CPNE4: variants seen among roughly 807,000 people sequenced by gnomAD.
CPNE4 encodes copine-4.
Under a neutral mutation model 67.9 loss-of-function variants are expected in CPNE4, and 25 were observed. That is an observed-to-expected ratio of 0.37 (90% CI 0.27 to 0.51). CPNE4 has a LOEUF of 0.51. CPNE4 is among the 20% of genes least tolerant of loss of function. The probability of loss-of-function intolerance (pLI) is 0.93; values close to 1 mark genes in which losing one functional copy is unlikely to be tolerated. For synonymous variants in CPNE4, 242 were observed against 244.9 expected (o/e 0.99, Z 0.11); for missense variants, 464 against 690.8 (o/e 0.67, Z 3.68).
rs186063626 is a variant in CPNE4 at position 132,008,977 on chromosome 3, C to T, written c.-2+25590G>A. On this transcript the variant is annotated intron_variant, in intron 1 of 15. Transcript: ENST00000429747. ...AAAACCTGCTCTGTGACCAATGCTC[C>T]GGGCTGTTTATTTTGGCCTATAACT... Among the ~76,000 whole-genome samples, 948 of 152,266 alleles carry T rather than the reference C, an allele frequency of 6.2e-3. 8 individuals are homozygous for T. Among genetic ancestry groups the T allele is most frequent in the African/African-American group, 0.022 (916 of 41,558 alleles).
At chr3:131,834,477 A>G (rs1233742265) in intron 2 of CPNE4, among the ~76,000 whole-genome samples, 3 of 152,182 alleles carry the variant, frequency 2.0e-5, no homozygotes, top group Non-Finnish European at 4.4e-5. Flanking sequence ...TGGTGAAGAA[A>G]TTCTTCTTTG....
At chr3:131,820,455 A>C (rs1252457558) in intron 2 of CPNE4, among the ~76,000 whole-genome samples, 5 of 152,338 alleles carry the variant, frequency 3.3e-5, no homozygotes, top group Admixed American at 3.3e-4. Context: ...GGCTCTCTGC[A>C]GCTGAGGCAG....
At chr3:131,980,176 G>T (rs1363098180) in intron 1 of CPNE4, among the ~76,000 whole-genome samples, 2 of 152,190 alleles carry the variant, frequency 1.3e-5, no homozygotes, top group East Asian at 3.9e-4. Flanking sequence ...ATGTGCCTAG[G>T]TGAATATCTT....
chr3:131,906,507 G>A (rs1289161814), intron 1 of CPNE4, among the ~76,000 whole-genome samples: 1 of 149,030 alleles, frequency 6.7e-6, no homozygotes, highest in African/African-American at 2.5e-5. Flanking sequence ...GCGGTGTTTG[G>A]TTTTTTGTTC....
chr3:131,913,797 C>T (rs2089078134), intron 1 of CPNE4, among the ~76,000 whole-genome samples: 2 of 152,136 alleles, frequency 1.3e-5, no homozygotes, highest in African/African-American at 4.8e-5. Context: ...TGTTGTGTGA[C>T]CTTGAGTAAG....
intron 2 of CPNE4, among the ~76,000 whole-genome samples, chr3:131,849,333 C>T (rs2086141198): frequency 1.3e-5 from 2 of 152,078 alleles, no homozygotes; most frequent in African/African-American, 2.4e-5. Context: ...AATTGGCTCA[C>T]AGTTCTTCAG....
At chr3:131,715,033 T>TC (rs11437325) in intron 3 of CPNE4, among the ~76,000 whole-genome samples, 128,089 of 152,034 alleles carry the variant, frequency 0.84, 55,016 homozygotes, top group Non-Finnish European at 0.94. Context: ...GTCATAACTG[T>TC]CTCCAAACCA....
intron 1 of CPNE4, among the ~76,000 whole-genome samples, chr3:131,929,903 C>G (rs2071006164): frequency 6.6e-6 from 1 of 152,142 alleles, no homozygotes; most frequent in South Asian, 2.1e-4. Flanking sequence ...ATAGGAAGTA[C>G]TATTCTATTG....
chr3:131,964,962 G>C (rs2072300136), intron 1 of CPNE4, among the ~76,000 whole-genome samples: 1 of 152,020 alleles, frequency 6.6e-6, no homozygotes, highest in Non-Finnish European at 1.5e-5. Flanking sequence ...AAATGTTAAG[G>C]GCAGCCAGAG....
chr3:131,582,951 C>A (rs1937936819), intron 8 of CPNE4, among the ~76,000 whole-genome samples: 1 of 152,098 alleles, frequency 6.6e-6, no homozygotes, highest in South Asian at 2.1e-4. Flanking sequence ...TTGTTTTCAG[C>A]CAGGAAGTTC....
At chr3:131,926,422 G>C (rs1421457895) in intron 1 of CPNE4, among the ~76,000 whole-genome samples, 1 of 151,998 alleles carries the variant, frequency 6.6e-6, no homozygotes, top group Non-Finnish European at 1.5e-5. Flanking sequence ...AAATAAATTT[G>C]AAAATAAAGA....
intron 6 of CPNE4, among the ~76,000 whole-genome samples, chr3:131,675,195 T>C (rs1025366877): frequency 1.3e-5 from 2 of 152,166 alleles, no homozygotes; most frequent in African/African-American, 4.8e-5. Flanking sequence ...ATTTCAGTTT[T>C]TCTGAATATT....
chr3:131,538,094 C>T (rs761908094), intron 15 of CPNE4, among the ~76,000 whole-genome samples: 4 of 152,138 alleles, frequency 2.6e-5, no homozygotes, highest in Non-Finnish European at 5.9e-5. Flanking sequence ...TGGTTAAAAA[C>T]CATTTATGTA....
intron 1 of CPNE4, among the ~76,000 whole-genome samples, chr3:131,946,665 CT>C (rs1258659599): frequency 1.3e-5 from 2 of 152,080 alleles, no homozygotes; most frequent in Non-Finnish European, 2.9e-5. Context: ...TAAAATATGA[CT>C]TTCAAATATT....
intron 1 of CPNE4, among the ~76,000 whole-genome samples, chr3:132,005,151 C>T (rs1583586711): frequency 6.6e-6 from 1 of 151,594 alleles, no homozygotes; most frequent in African/African-American, 2.4e-5. Context: ...AATGGCAAAG[C>T]CAAAGATCAA....
At chr3:131,799,919 TTGTGTGTGTGTGTGTG>T (rs3070292) in intron 2 of CPNE4, among the ~76,000 whole-genome samples, 128 of 145,582 alleles carry the variant, frequency 8.8e-4, no homozygotes, top group African/African-American at 3.0e-3. Context: ...TGTGTGTGTG[TTGTGTGTGTGTGTGTG>T]TGTGTGTGTG....
intron 2 of CPNE4, among the ~76,000 whole-genome samples, chr3:131,801,405 TACATATATAC>T (rs1254058296): frequency 1.9e-4 from 20 of 107,018 alleles, no homozygotes; most frequent in South Asian, 3.7e-4. Flanking sequence ...TATATATAGG[TACATATATAC>T]GTGTGTGTGT....
chr3:131,933,867 C>T (rs912050412), intron 1 of CPNE4, among the ~76,000 whole-genome samples: 2 of 150,000 alleles, frequency 1.3e-5, no homozygotes, highest in African/African-American at 2.4e-5. Context: ...GAAAGTAAAA[C>T]TGTGGTTACC....
At chr3:131,697,127 T>G (rs2081173254) in intron 4 of CPNE4, among the ~76,000 whole-genome samples, 1 of 152,198 alleles carries the variant, frequency 6.6e-6, no homozygotes. Context: ...ACGTAAGGAT[T>G]TAAGCCCTAA....
Sources: allele counts gnomAD v4.1 joint callset (sites outside exome capture counted in the v4.1 genomes callset), GRCh38; gene constraint gnomAD v4.1.1; transcripts MANE v1.5; gene names NCBI Gene and HGNC (gene_info 2026-07-23, HGNC 2026-07-21).